ALG9: variants seen among roughly 807,000 people sequenced by gnomAD.
ALG9 encodes ALG9 alpha-1,2-mannosyltransferase.
ALG9 carries 55 observed loss-of-function variants against 81.8 expected under a neutral mutation model. The observed-to-expected ratio is 0.67, with a 90% CI of 0.54 to 0.84. The LOEUF is 0.84. Among genes scored for constraint, ALG9 ranks in the 40% least tolerant of loss-of-function variants. The probability of loss-of-function intolerance (pLI) is 0.00; values close to 1 mark genes in which losing one functional copy is unlikely to be tolerated. For synonymous variants in ALG9, 278 were observed against 274.3 expected (o/e 1.01, Z -0.13); for missense variants, 629 against 745.0 (o/e 0.84, Z 1.81).
In ALG9 at chr11:111,837,520, A is replaced by T; in HGVS notation, c.1420T>A (p.Cys474Ser). ...AATCGATACCACTCTTTTCCCACAC[A>T]GACATTCACAGGTCTGCCTTCTGGG... is the stretch of plus-strand genomic sequence containing the variant. ...TVPEGRPVNVCVGKEWYRFPS... is the reference protein window; with the variant it reads ...TVPEGRPVNVSVGKEWYRFPS... The change falls in exon 12 of 15, where the codon TGT (cysteine) becomes AGT (serine). Residue 474 changes from cysteine (C) to serine (S), a missense_variant. Cys to Ser is a moderately radical substitution (Grantham distance 112, BLOSUM62 -1). Coordinates refer to ENST00000616540, the MANE Select transcript of ALG9 (RefSeq NM_024740.2). 6.2e-7 allele frequency: 1 copy of T among 1,614,154 alleles called. No homozygotes were observed. Among genetic ancestry groups the T allele is most frequent in the South Asian group, 1.1e-5 (1 of 91,082 alleles).
chr11:111,864,418 T>C (rs1555150770), intron 4 of ALG9: 2 of 764,146 alleles, frequency 2.6e-6, no homozygotes, highest in Non-Finnish European at 4.9e-6. Flanking sequence ...TATCTTCAAG[T>C]ACAAATCCCT....
intron 13 of ALG9, among the ~76,000 whole-genome samples, chr11:111,832,456 T>A (rs1357795337): frequency 6.6e-6 from 1 of 151,952 alleles, no homozygotes; most frequent in African/African-American, 2.4e-5. Context: ...ATTTTTTTTT[T>A]ATTGTAGAGA....
chr11:111,772,155 G>A, the ALG9 span, among the ~76,000 whole-genome samples: 1 of 152,238 alleles, frequency 6.6e-6, no homozygotes, highest in Non-Finnish European at 1.5e-5. Flanking sequence ...AGGTGGTGAG[G>A]TGGCTCATGC....
At chr11:111,789,567 C>T (rs1301265913) in intron 14 of ALG9, among the ~76,000 whole-genome samples, 6 of 151,324 alleles carry the variant, frequency 4.0e-5, no homozygotes, top group African/African-American at 9.7e-5. Context: ...ATAGGTTGGA[C>T]GCGGTGGCTC....
the ALG9 span, among the ~76,000 whole-genome samples, chr11:111,775,788 G>A: frequency 1.8e-4 from 27 of 152,226 alleles, no homozygotes; most frequent in Admixed American, 3.9e-4. Context: ...TACTGACTCC[G>A]TCTAGGTTCC....
the ALG9 span, among the ~76,000 whole-genome samples, chr11:111,773,508 G>A: frequency 6.6e-6 from 1 of 152,056 alleles, no homozygotes; most frequent in Non-Finnish European, 1.5e-5. Context: ...GCCTCCCAAA[G>A]TGCTGGGATT....
intron 5 of ALG9, among the ~76,000 whole-genome samples, chr11:111,859,504 CA>C (rs1223628474): frequency 6.9e-6 from 1 of 144,716 alleles, no homozygotes. Flanking sequence ...ACTCTTGTCT[CA>C]AAAAAAAAGA....
rs1946366986 is a variant in ALG9, at chr11:111,785,447, T to TA, written c.*949dup. On this transcript the variant is annotated 3_prime_UTR_variant, in exon 15 of 15. Transcript: ENST00000616540. The stretch of plus-strand genomic sequence containing the variant: ...GGATGTGCCTCACAACAGACAGAAC[T>TA]AAAAAATAGGTGCTATAAATATACA... The TA allele has an allele frequency of 6.5e-6, 1 of 152,956 alleles. No individual in the cohort carries two copies. The highest frequency in any genetic ancestry group is 2.1e-4 in the South Asian group (1 of 4,836). The allele number at this position is 152,956 out of a possible 1,614,324, so 9.5% of individuals were successfully genotyped here.
chr11:111,868,201 T>C (rs887534184), intron 3 of ALG9, among the ~76,000 whole-genome samples: 3 of 152,206 alleles, frequency 2.0e-5, no homozygotes, highest in African/African-American at 7.2e-5. Flanking sequence ...TAGTCAAATT[T>C]CTGAAAACTA....
chr11:111,851,657 C>T (rs1957851700), intron 8 of ALG9, among the ~76,000 whole-genome samples: 1 of 151,960 alleles, frequency 6.6e-6, no homozygotes, highest in African/African-American at 2.4e-5. Context: ...ATTTATTCAC[C>T]CACAGAGAGT....
chr11:111,824,787 A>C (rs1952959108), intron 13 of ALG9, among the ~76,000 whole-genome samples: 2 of 152,232 alleles, frequency 1.3e-5, no homozygotes. Context: ...TAAATTCAAT[A>C]GATAAAGTTC....
At chr11:111,780,161 C>T (rs1025956886), downstream of ALG9, among the ~76,000 whole-genome samples, 3 of 152,116 alleles carry the variant, frequency 2.0e-5, no homozygotes, top group South Asian at 4.1e-4. Context: ...CTTTCTGACC[C>T]AAACTTGTTC....
chr11:111,870,412 A>G, intron 1 of ALG9, 42 bp from the exon 2 acceptor site: 2 of 1,488,272 alleles, frequency 1.3e-6, no homozygotes, highest in East Asian at 2.6e-5. Flanking sequence ...AAAGCATGTC[A>G]GGAAGGACCT....
At chr11:111,837,993 G>A (rs1955601242) in intron 11 of ALG9, among the ~76,000 whole-genome samples, 1 of 151,920 alleles carries the variant, frequency 6.6e-6, no homozygotes, top group African/African-American at 2.4e-5. Flanking sequence ...TAATTTATCA[G>A]CATCCATTAA....
intron 13 of ALG9, among the ~76,000 whole-genome samples, chr11:111,816,541 T>C (rs575110998): frequency 1.6e-4 from 24 of 152,176 alleles, no homozygotes; most frequent in African/African-American, 5.3e-4. Flanking sequence ...TGAGCCACCA[T>C]GTCCAGCTGG....
intron 14 of ALG9, among the ~76,000 whole-genome samples, chr11:111,789,034 G>A (rs1946940869): frequency 6.6e-6 from 1 of 151,574 alleles, no homozygotes; most frequent in African/African-American, 2.4e-5. Context: ...CAAGAGACAG[G>A]GTCTCACTAT....
chr11:111,845,432 C>T (rs551763552), intron 8 of ALG9: 5 of 152,334 alleles, frequency 3.3e-5, no homozygotes, highest in South Asian at 2.1e-4. Flanking sequence ...TAGTCGCGTA[C>T]ATTGGGCAAC....
At chr11:111,819,837 C>T (rs1210786978) in intron 13 of ALG9, among the ~76,000 whole-genome samples, 2 of 152,160 alleles carry the variant, frequency 1.3e-5, no homozygotes, top group African/African-American at 4.8e-5. Context: ...ACACCTGGTG[C>T]CTGGTACAGT....
Position 111,871,515 on chromosome 11 carries a change from T to C in ALG9, c.-33A>G. Reference sequence around the variant, plus strand: ...CTGGGGAAAAAAGAATTCGGCACCCTATGAAGTCGGTGAGCGCGCAGACAT... The same window carrying C: ...CTGGGGAAAAAAGAATTCGGCACCCCATGAAGTCGGTGAGCGCGCAGACAT... On this transcript the variant is annotated 5_prime_UTR_variant, in exon 1 of 15. The change creates a new upstream start codon in the 5' untranslated region. Coordinates refer to ENST00000616540, the MANE Select transcript of ALG9 (RefSeq NM_024740.2). The C allele has an allele frequency of 6.5e-7, 1 of 1,535,782 alleles. No homozygotes were observed. Among genetic ancestry groups the C allele is most frequent in the Non-Finnish European group, 8.7e-7 (1 of 1,146,426 alleles).
Sources: allele counts gnomAD v4.1 joint callset (sites outside exome capture counted in the v4.1 genomes callset), GRCh38; gene constraint gnomAD v4.1.1; transcripts MANE v1.5; gene names NCBI Gene and HGNC (gene_info 2026-07-23, HGNC 2026-07-21).